The following CBLN2 variants were observed in gnomAD, a reference collection of about 807,000 sequenced individuals.
CBLN2 encodes the protein cerebellin 2 precursor.
Under a neutral mutation model 15.0 loss-of-function variants are expected in CBLN2, and 7 were observed. The ratio of observed to expected loss-of-function variants is 0.47; its 90% CI spans 0.27 to 0.88. The LOEUF is 0.88. CBLN2 is among the 40% of genes least tolerant of loss of function. The probability of loss-of-function intolerance (pLI) is 0.14; values close to 1 mark genes in which losing one functional copy is unlikely to be tolerated. For synonymous variants in CBLN2, 149 were observed against 135.2 expected, an observed-to-expected ratio of 1.10 and a Z score of -0.71; for missense variants, 242 against 304.5, an observed-to-expected ratio of 0.79 and a Z score of 1.53.
chr18:72,612,804 T>C (rs1479734697), intron 1 of CBLN2, among the ~76,000 whole-genome samples: 2 of 152,230 alleles, frequency 1.3e-5, no homozygotes, highest in South Asian at 2.1e-4. Context: ...GATGTGTGTT[T>C]GTATTTTATT....
intron 1 of CBLN2, among the ~76,000 whole-genome samples, chr18:72,608,819 T>A (rs940894609): frequency 6.6e-6 from 1 of 152,146 alleles, no homozygotes; most frequent in Admixed American, 6.5e-5. Context: ...GGGCTCACAG[T>A]TCCACATGGC....
intron 1 of CBLN2, among the ~76,000 whole-genome samples, chr18:72,598,821 C>A (rs1277906278): frequency 6.6e-6 from 1 of 152,206 alleles, no homozygotes; most frequent in African/African-American, 2.4e-5. Context: ...TCGCTTTCCA[C>A]TGATATAGGG....
At chr18:72,538,585 G>A in intron 4 of CBLN2, 68 bp downstream of exon 4, 1 of 1,595,514 alleles carries the variant, frequency 6.3e-7, no homozygotes, top group Non-Finnish European at 8.6e-7. Flanking sequence ...GAGACCAGGT[G>A]AAGGGGCCTT....
intron 3 of CBLN2, among the ~76,000 whole-genome samples, chr18:72,540,551 A>C (rs2144862534): frequency 6.6e-6 from 1 of 152,336 alleles, no homozygotes; most frequent in African/African-American, 2.4e-5. Flanking sequence ...CGTAAAGGAA[A>C]CCTTACTAAT....
intron 1 of CBLN2, among the ~76,000 whole-genome samples, chr18:72,595,193 C>T (rs2069505228): frequency 6.6e-6 from 1 of 151,788 alleles, no homozygotes; most frequent in South Asian, 2.1e-4. Flanking sequence ...CTTAGGAGTG[C>T]TTTCTCTGTA....
rs995195419 is a variant in CBLN2 at position 72,543,704 on chromosome 18, G to A, written c.-211-174C>T. On this transcript the variant is annotated intron_variant, in intron 1 of 4. Coordinates refer to ENST00000269503, the MANE Select transcript of CBLN2 (RefSeq NM_182511.4). The surrounding 1 kb of genome is among the most constrained non-coding windows in gnomAD (Gnocchi z 6.8). ...GCGCGCCCGCTTAGGCGCCGCGCCCGGGACCGGGAACCCCGCGTCTCGCCC... is the reference window on the plus strand; with the variant it reads ...GCGCGCCCGCTTAGGCGCCGCGCCCAGGACCGGGAACCCCGCGTCTCGCCC... 24 of 343,954 alleles carry A rather than the reference G, an allele frequency of 7.0e-5. No homozygotes were observed. The highest frequency in any genetic ancestry group is 4.7e-4 in the African/African-American group (22 of 46,818). The allele number at this position is 343,954 out of a possible 1,614,324, so 21.3% of individuals were successfully genotyped here.
chr18:72,595,338 CA>C (rs1215792652), intron 1 of CBLN2, among the ~76,000 whole-genome samples: 1 of 151,958 alleles, frequency 6.6e-6, no homozygotes, highest in African/African-American at 2.4e-5. Flanking sequence ...GCATAGCTTT[CA>C]AAACTCCTCT....
chr18:72,621,621 G>A (rs1384752616), intron 1 of CBLN2, among the ~76,000 whole-genome samples: 2 of 152,144 alleles, frequency 1.3e-5, no homozygotes, highest in African/African-American at 2.4e-5. Flanking sequence ...AGCCTTCTAA[G>A]TAAGAAATTA....
intron 1 of CBLN2, among the ~76,000 whole-genome samples, chr18:72,632,968 C>T (rs141432702): frequency 4.6e-5 from 7 of 152,260 alleles, no homozygotes; most frequent in Non-Finnish European, 1.0e-4. Flanking sequence ...AATGAACAAA[C>T]GAATGCAATG....
intron 1 of CBLN2, among the ~76,000 whole-genome samples, chr18:72,558,070 G>A (rs895813338): frequency 6.6e-6 from 1 of 152,280 alleles, no homozygotes; most frequent in East Asian, 1.9e-4. Context: ...GTCATACAGA[G>A]GTGAACACCC....
At chr18:72,622,027 C>A (rs1343253607) in intron 1 of CBLN2, among the ~76,000 whole-genome samples, 1 of 152,126 alleles carries the variant, frequency 6.6e-6, no homozygotes, top group Admixed American at 6.6e-5. Context: ...GTATTATTGG[C>A]ATTTTAATTT....
intron 1 of CBLN2, among the ~76,000 whole-genome samples, chr18:72,616,196 C>T (rs1478071698): frequency 2.0e-5 from 3 of 152,166 alleles, no homozygotes; most frequent in African/African-American, 7.2e-5. Flanking sequence ...TATGACCACC[C>T]TGCTCTTTCA....
intron 1 of CBLN2, among the ~76,000 whole-genome samples, chr18:72,604,891 T>A (rs1379970796): frequency 6.6e-6 from 1 of 152,186 alleles, no homozygotes; most frequent in Non-Finnish European, 1.5e-5. Context: ...GACTAAGACA[T>A]TTTTCCTTAG....
intron 1 of CBLN2, chr18:72,618,240 G>T: frequency 3.7e-6 from 1 of 269,540 alleles, no homozygotes; most frequent in Non-Finnish European, 7.3e-6. Context: ...AGGAAGCATT[G>T]TTAAAGTCTC....
At chr18:72,573,413 C>T (rs540946690) in intron 1 of CBLN2, among the ~76,000 whole-genome samples, 9 of 152,244 alleles carry the variant, frequency 5.9e-5, no homozygotes, top group Middle Eastern at 3.4e-3. Context: ...GTAAACCTTC[C>T]GTGCTCTGCT....
At chr18:72,540,526 ATAACAATAAC>A (rs1217440750) in intron 3 of CBLN2, among the ~76,000 whole-genome samples, 1 of 152,260 alleles carries the variant, frequency 6.6e-6, no homozygotes, top group Non-Finnish European at 1.5e-5. Flanking sequence ...TAATAATAAT[ATAACAATAAC>A]TGCACGTAAA....
At chr18:72,580,639 C>G (rs979843024) in intron 1 of CBLN2, among the ~76,000 whole-genome samples, 1 of 152,084 alleles carries the variant, frequency 6.6e-6, no homozygotes, top group Non-Finnish European at 1.5e-5. Context: ...AAACATGATG[C>G]TTTTGAATTC....
At chr18:72,561,364 G>A (rs1162621498) in intron 1 of CBLN2, among the ~76,000 whole-genome samples, 1 of 151,828 alleles carries the variant, frequency 6.6e-6, no homozygotes, top group East Asian at 1.9e-4. Context: ...CTCAATGTAT[G>A]AAACAAAATG....
intron 1 of CBLN2, among the ~76,000 whole-genome samples, chr18:72,561,944 C>T (rs544150413): frequency 5.3e-5 from 8 of 152,226 alleles, no homozygotes; most frequent in African/African-American, 1.7e-4. Flanking sequence ...GGCAGGTGGT[C>T]TATGTGATAA....
Sources: gnomAD v4.1 joint callset for allele counts (sites outside exome capture counted in the v4.1 genomes callset) on GRCh38, gnomAD v4.1.1 for gene constraint, Gnocchi (gnomAD v3.1) non-coding constraint, MANE v1.5 for transcripts, NCBI Gene and HGNC (gene_info 2026-07-23, HGNC 2026-07-21) for gene names.